MYH15: variants seen among roughly 807,000 people sequenced by gnomAD.
MYH15 encodes the protein myosin heavy chain 15, also known as myosin-15.
In MYH15, 227 loss-of-function variants were observed where a neutral mutation model predicts 240.5. The observed-to-expected ratio is 0.94, with a 90% CI of 0.85 to 1.05. The LOEUF is 1.05. Ranked by LOEUF, MYH15 falls within the 50% of genes least tolerant of loss-of-function variation. The probability of loss-of-function intolerance (pLI) is 0.00; values close to 1 mark genes in which losing one functional copy is unlikely to be tolerated. For missense variants in MYH15, 2,217 were observed against 2,247.5 expected (o/e 0.99, Z 0.27); for synonymous variants, 785 against 796.7 (o/e 0.99, Z 0.25).
intron 31 of MYH15, among the ~76,000 whole-genome samples, chr3:108,409,826 T>C (rs1270155813): frequency 2.0e-5 from 3 of 152,202 alleles, no homozygotes; most frequent in Admixed American, 6.5e-5. Flanking sequence ...TATAGGGATA[T>C]ATAATGTAGG....
At chr3:108,513,749 A>G (rs1385234874), upstream of MYH15, among the ~76,000 whole-genome samples, 3 of 152,208 alleles carry the variant, frequency 2.0e-5, no homozygotes, top group Non-Finnish European at 4.4e-5. Context: ...ATGAATGTAC[A>G]CATTTTCCAT....
Position 108,473,748 on chromosome 3 carries a change from G to A in MYH15, c.1233+2649C>T, listed in dbSNP as rs541805795. 9.5e-4 allele frequency among the ~76,000 whole-genome samples: 144 copies of A among 152,240 alleles called. 2 individuals are homozygous for A. Among genetic ancestry groups the A allele is most frequent in the Non-Finnish European group, 1.7e-3 (115 of 68,012 alleles). ...TAGGTGACATAGTTAGAAATATCATGGAATCATAAAATACTAGACCTGAAG... is the reference window on the plus strand; with the variant it reads ...TAGGTGACATAGTTAGAAATATCATAGAATCATAAAATACTAGACCTGAAG... On this transcript the variant is annotated intron_variant, in intron 12 of 40. Transcript: ENST00000693548.
intron 7 of MYH15, among the ~76,000 whole-genome samples, chr3:108,495,052 T>C (rs765256903): frequency 7.2e-5 from 11 of 152,144 alleles, no homozygotes; most frequent in Non-Finnish European, 1.5e-4. Flanking sequence ...CTCATCTAAA[T>C]GTGGACAGAG....
At chr3:108,431,657 T>C (rs1358217016) in intron 25 of MYH15, among the ~76,000 whole-genome samples, 1 of 151,958 alleles carries the variant, frequency 6.6e-6, no homozygotes, top group South Asian at 2.1e-4. Flanking sequence ...ACCAGTAGAG[T>C]GGGGTGCTGA....
the MYH15 span, among the ~76,000 whole-genome samples, chr3:108,542,342 A>G: frequency 6.6e-6 from 1 of 152,174 alleles, no homozygotes; most frequent in Non-Finnish European, 1.5e-5. Flanking sequence ...TGTACCCACC[A>G]TTATAGTATT....
At chr3:108,471,183 G>C (rs955799346) in intron 12 of MYH15, among the ~76,000 whole-genome samples, 1 of 151,922 alleles carries the variant, frequency 6.6e-6, no homozygotes, top group African/African-American at 2.4e-5. Flanking sequence ...AAGCTAGCCT[G>C]GTGCCTCTTT....
At chr3:108,473,986 C>T (rs978937904) in intron 12 of MYH15, among the ~76,000 whole-genome samples, 2 of 152,160 alleles carry the variant, frequency 1.3e-5, no homozygotes, top group East Asian at 1.9e-4. Flanking sequence ...ATCTTAAATG[C>T]CAATTACCAT....
chr3:108,437,733 T>C (rs964046995), intron 24 of MYH15, 34 bp from the exon 25 acceptor site: 1 of 1,595,668 alleles, frequency 6.3e-7, no homozygotes, highest in Admixed American at 1.8e-5. Context: ...GCTAAATAAA[T>C]AGGTAGAGTT....
At chr3:108,427,519 G>A (rs571028758) in intron 27 of MYH15, among the ~76,000 whole-genome samples, 15 of 151,996 alleles carry the variant, frequency 9.9e-5, no homozygotes, top group Admixed American at 4.6e-4. Context: ...CCAGCCTCCA[G>A]AACTGTGAAA....
At chr3:108,510,600 A>C, upstream of MYH15, 1 of 1,597,212 alleles carries the variant, frequency 6.3e-7, no homozygotes, top group African/African-American at 1.4e-5. Flanking sequence ...GAAAAAAAAA[A>C]ATTGATACAG....
rs1355580439 is a variant in MYH15 at position 108,405,419 on chromosome 3, TGAA to T, written c.4652_4654del (p.Leu1551del). ...AGCTTCCAAGAGTTCAAGCTGGAAA[TGAA>T]GAATCTTGCTTTCATTACGTTCCAG... On this transcript the variant is annotated inframe_deletion, in exon 33 of 41. Transcript: ENST00000693548. 2.0e-6 allele frequency: 3 copies of T among 1,528,800 alleles called. No homozygotes were observed. Among genetic ancestry groups the T allele is most frequent in the Non-Finnish European group, 2.7e-6 (3 of 1,122,900 alleles). The allele number at this position is 1,528,800 out of a possible 1,614,324, so 94.7% of individuals were successfully genotyped here.
At chr3:108,457,582 A>C (rs1273880005) in intron 18 of MYH15, among the ~76,000 whole-genome samples, 1 of 152,148 alleles carries the variant, frequency 6.6e-6, no homozygotes, top group Non-Finnish European at 1.5e-5. Flanking sequence ...AAAGAAGCCA[A>C]GGACCACATC....
chr3:108,509,438 T>C (rs910882675), intron 1 of MYH15, among the ~76,000 whole-genome samples: 25 of 152,334 alleles, frequency 1.6e-4, no homozygotes, highest in Non-Finnish European at 3.2e-4. Flanking sequence ...AGTTCTGTTA[T>C]CGTATTTGAT....
Position 108,399,088 on chromosome 3 carries a change from T to C in MYH15, c.4916A>G (p.Gln1639Arg), listed in dbSNP as rs746457416. 8.7e-6 allele frequency: 14 copies of C among 1,613,386 alleles called. No homozygotes were observed. Among genetic ancestry groups the C allele is most frequent in the Middle Eastern group, 1.6e-4 (1 of 6,062 alleles). ...GTTTTAAAATACCTTGATTTGAATCTGAAGCTGGCCCAGGGATTTGGTTGC... is the reference window on the plus strand; with the variant it reads ...GTTTTAAAATACCTTGATTTGAATCCGAAGCTGGCCCAGGGATTTGGTTGC... ...SEATKSLGQLQIQIKDLQMQL... is the reference protein window; with the variant it reads ...SEATKSLGQLRIQIKDLQMQL... The change falls in exon 34 of 41, where the codon CAG becomes CGG. Residue 1639 changes from glutamine (Q) to arginine (R), a missense_variant. Physicochemically the swap from Gln to Arg is conservative, Grantham distance 43 (BLOSUM62 1). Coordinates refer to ENST00000693548, the MANE Select transcript of MYH15 (RefSeq NM_014981.3).
Position 108,459,439 on chromosome 3 carries a change from T to C in MYH15, c.1943A>G (p.Asn648Ser). 3 of 1,602,812 alleles carry C rather than the reference T, an allele frequency of 1.9e-6. No individual in the cohort carries two copies. Among genetic ancestry groups the C allele is most frequent in the Non-Finnish European group, 2.6e-6 (3 of 1,175,560 alleles). The part of the protein sequence containing the change: ...TVASLHKENL[N>S]KLMTNLKSTA... ...TGATTTCAGATTAGTCATCAATTTA[T>C]TCAGGTTTTCCTAAAATGGAGACCA... Residue 648 changes from asparagine (N) to serine (S), a missense_variant, in exon 18 of 41, where the codon AAT becomes AGT. Asn to Ser is a conservative substitution (Grantham distance 46, BLOSUM62 1). Coordinates refer to ENST00000693548, the MANE Select transcript of MYH15 (RefSeq NM_014981.3).
chr3:108,476,808 G>A lies in MYH15; in HGVS notation c.1115-293C>T, dbSNP rs547726995. On this transcript the variant is annotated intron_variant, in intron 11 of 40. Transcript: ENST00000693548. ...CCACTAGAATGACTATAATCAAAAC[G>A]GCAGACAATAACAAGTGTTGACAAG... Among the ~76,000 whole-genome samples, 8 of 152,116 alleles carry A rather than the reference G, an allele frequency of 5.3e-5. No homozygotes were observed. The East Asian group carries it at 5.8e-4, about 11-fold the overall frequency.
At chr3:108,454,209 C>T in intron 20 of MYH15, 67 bp from the exon 21 acceptor site, 1 of 1,404,676 alleles carries the variant, frequency 7.1e-7, no homozygotes, top group South Asian at 1.5e-5. Context: ...TTAAATGATC[C>T]TGTGAGCAAC....
Position 108,428,582 on chromosome 3 carries a change from C to G in MYH15, c.3612G>C (p.Gln1204His). The change falls in exon 27 of 41, where the codon CAG becomes CAC. Residue 1204 changes from glutamine (Q) to histidine (H), a missense_variant. Physicochemically the swap from Gln to His is conservative, Grantham distance 24 (BLOSUM62 0). Transcript: ENST00000693548. ...TGTCTTTTTCCAGTTTCTGCTTGAC[C>G]TGCTGTAGATTTTCTACCTGGCCCT... ...ELEGQVENLQ[Q>H]VKQKLEKDKS... 6.2e-7 allele frequency: 1 copy of G among 1,613,960 alleles called. No homozygotes were observed. The highest frequency in any genetic ancestry group is 8.5e-7 in the Non-Finnish European group (1 of 1,180,012).
intron 2 of MYH15, among the ~76,000 whole-genome samples, chr3:108,503,827 G>A (rs2083455345): frequency 6.6e-6 from 1 of 152,078 alleles, no homozygotes; most frequent in Non-Finnish European, 1.5e-5. Flanking sequence ...GAAAACATGT[G>A]TCCCCACAAA....
Sources: gnomAD v4.1 joint callset for allele counts (sites outside exome capture counted in the v4.1 genomes callset) on GRCh38, gnomAD v4.1.1 for gene constraint, MANE v1.5 for transcripts, NCBI Gene and HGNC (gene_info 2026-07-23, HGNC 2026-07-21) for gene names.